INPP5A: variants seen among roughly 807,000 people sequenced by gnomAD.
INPP5A encodes the protein inositol polyphosphate-5-phosphatase A, also known as 43 kDa inositol polyphosphate 5-phophatase.
INPP5A carries 14 observed loss-of-function variants against 65.2 expected under a neutral mutation model. The ratio of observed to expected loss-of-function variants is 0.21; its 90% CI spans 0.14 to 0.34. The LOEUF (loss-of-function observed/expected upper bound fraction) is 0.34. Ranked by LOEUF, INPP5A falls within the 10% of genes least tolerant of loss-of-function variation. The probability of loss-of-function intolerance (pLI) is 1.00; values close to 1 mark genes in which losing one functional copy is unlikely to be tolerated. For synonymous variants in INPP5A, 207 were observed against 208.3 expected (o/e 0.99, Z 0.05); for missense variants, 431 against 545.6 (o/e 0.79, Z 2.09).
chr10:132,635,442 C>CGCAG (rs2072334383), intron 2 of INPP5A, among the ~76,000 whole-genome samples: 1 of 117,068 alleles, frequency 8.5e-6, no homozygotes, highest in Admixed American at 1.3e-4. Flanking sequence ...GTTGCCCAGG[C>CGCAG]TGGAGTGCAG....
Position 132,567,266 on chromosome 10 carries a change from A to G in INPP5A, c.75+29095A>G, listed in dbSNP as rs180710953. On this transcript the variant is annotated intron_variant, in intron 1 of 15. Coordinates refer to ENST00000368594, the MANE Select transcript of INPP5A (RefSeq NM_005539.5). ...AGGAAGGAAGCACGCAAAAATACCC[A>G]AACAACCAAAACAAAATAACTCTCT... Among the ~76,000 whole-genome samples, 6 of 152,338 alleles carry G rather than the reference A, an allele frequency of 3.9e-5. No homozygotes were observed. In the East Asian group the frequency reaches 1.2e-3, roughly 29 times the overall value.
chr10:132,671,784 A>G (rs1275583778), intron 4 of INPP5A, among the ~76,000 whole-genome samples: 1 of 152,176 alleles, frequency 6.6e-6, no homozygotes, highest in East Asian at 1.9e-4. Flanking sequence ...TCCCCGTGTC[A>G]CAGATAGAGA....
At chr10:132,681,182 G>A (rs1023778343) in intron 4 of INPP5A, among the ~76,000 whole-genome samples, 2 of 152,172 alleles carry the variant, frequency 1.3e-5, no homozygotes, top group East Asian at 1.9e-4. Context: ...ACCAATCAGC[G>A]CCCTGTCAAA....
chr10:132,708,534 G>A (rs1180027124), intron 7 of INPP5A, 169 bp downstream of exon 7: 1 of 765,270 alleles, frequency 1.3e-6, no homozygotes, highest in Non-Finnish European at 2.4e-6. Flanking sequence ...TCACGGCGAT[G>A]CATTCGGAGC....
chr10:132,779,785 C>G (rs929369624), intron 13 of INPP5A, among the ~76,000 whole-genome samples: 2 of 152,246 alleles, frequency 1.3e-5, no homozygotes, highest in African/African-American at 2.4e-5. Flanking sequence ...GCCGTCACCT[C>G]GTCACCAAGC....
At position 132,740,208 on chromosome 10, in the gene INPP5A, T is replaced by A. The variant is rs189319649; in HGVS notation, c.733-9309T>A. Among the ~76,000 whole-genome samples the A allele has an allele frequency of 6.4e-4, 98 of 152,370 alleles. 1 individual carries two copies. The highest frequency in any genetic ancestry group is 2.9e-3 in the Admixed American group (44 of 15,308). On this transcript the variant is annotated intron_variant, in intron 9 of 15. Transcript: ENST00000368594. ...GGGGCGTTTGTCAGAACTTAGCGTT[T>A]GAATTATCTCTGCCTGTTTGCAGTG...
chr10:132,632,617 C>T (rs936135359), intron 2 of INPP5A, among the ~76,000 whole-genome samples: 6 of 152,218 alleles, frequency 3.9e-5, no homozygotes, highest in Admixed American at 2.6e-4. Context: ...CACTGCACCC[C>T]GCCCAGATTG....
chr10:132,662,932 G>A (rs2072755220), intron 4 of INPP5A, among the ~76,000 whole-genome samples: 1 of 152,192 alleles, frequency 6.6e-6, no homozygotes, highest in African/African-American at 2.4e-5. Flanking sequence ...CCAGTTACAC[G>A]TCACATGGGT....
chr10:132,687,904 CCTCT>C (rs2134477070), intron 4 of INPP5A, among the ~76,000 whole-genome samples: 1 of 152,372 alleles, frequency 6.6e-6, no homozygotes, highest in Admixed American at 6.5e-5. Flanking sequence ...TGCCAGCCGG[CCTCT>C]CTTTTTAGGA....
chr10:132,702,540 G>A (rs189559281), intron 6 of INPP5A, among the ~76,000 whole-genome samples: 192 of 152,290 alleles, frequency 1.3e-3, no homozygotes, highest in African/African-American at 4.4e-3. Flanking sequence ...AACTGTTGAC[G>A]GTTATCGCAA....
intron 11 of INPP5A, among the ~76,000 whole-genome samples, chr10:132,751,666 G>GGA (rs1846480082): frequency 1.3e-5 from 2 of 150,128 alleles, no homozygotes; most frequent in African/African-American, 2.4e-5. Context: ...AGGTGTCTTC[G>GGA]TGGAGGCGAG....
rs1241282427 is a variant in INPP5A, at chr10:132,678,688, G to T, written c.307-11704G>T. On this transcript the variant is annotated intron_variant, in intron 4 of 15. Coordinates refer to ENST00000368594, the MANE Select transcript of INPP5A (RefSeq NM_005539.5). This position sits in a 1 kb window ranked among gnomAD's most constrained non-coding sequence, Gnocchi z 4.1. ...GGACTCAGAGGCGCCCAGGCCACAT[G>T]CCTGCCCTCAGGGGGCTTCCCTTCC... is the stretch of plus-strand genomic sequence containing the variant. 6.6e-6 allele frequency among the ~76,000 whole-genome samples: 1 copy of T among 152,242 alleles called. No individual in the cohort carries two copies. The highest frequency in any genetic ancestry group is 1.5e-5 in the Non-Finnish European group (1 of 68,052).
intron 2 of INPP5A, among the ~76,000 whole-genome samples, chr10:132,630,809 C>T (rs926205271): frequency 1.7e-4 from 23 of 138,774 alleles, no homozygotes; most frequent in African/African-American, 5.5e-4. Flanking sequence ...GCGGGGGCGG[C>T]GGGGGACGTG....
chr10:132,670,627 A>T (rs2072877601), intron 4 of INPP5A, among the ~76,000 whole-genome samples: 2 of 151,202 alleles, frequency 1.3e-5, no homozygotes, highest in Admixed American at 1.3e-4. Context: ...AGCACAGCTA[A>T]GTCTTCACCC....
chr10:132,541,760 C>A (rs187507263), intron 1 of INPP5A, among the ~76,000 whole-genome samples: 1 of 152,338 alleles, frequency 6.6e-6, no homozygotes, highest in East Asian at 1.9e-4. Context: ...ATAGTGTTGA[C>A]CTAGTCAACC....
chr10:132,635,386 A>AATTTTTTTTTTTTTTT (rs2072331987), intron 2 of INPP5A, among the ~76,000 whole-genome samples: 2 of 54,500 alleles, frequency 3.7e-5, no homozygotes, highest in African/African-American at 1.6e-4. Flanking sequence ...CTTTTTAAAG[A>AATTTTTTTTTTTTTTT]TTTTTTTTTT....
At chr10:132,718,110 T>C (rs1437815033) in intron 8 of INPP5A, among the ~76,000 whole-genome samples, 2 of 150,362 alleles carry the variant, frequency 1.3e-5, no homozygotes, top group Non-Finnish European at 3.0e-5. Context: ...TTCAGGGTTC[T>C]GTGGTACCTG....
chr10:132,742,543 G>A (rs1203785794), intron 9 of INPP5A, among the ~76,000 whole-genome samples: 1 of 152,184 alleles, frequency 6.6e-6, no homozygotes, highest in Admixed American at 6.5e-5. Context: ...CTAGTCCGGC[G>A]CCCAGTCAGG....
chr10:132,716,319 C>G (rs145248589), intron 8 of INPP5A, among the ~76,000 whole-genome samples: 1 of 152,212 alleles, frequency 6.6e-6, no homozygotes, highest in Admixed American at 6.5e-5. Context: ...GACACAGGCA[C>G]GGATGTTTCT....
Sources: allele counts gnomAD v4.1 joint callset (sites outside exome capture counted in the v4.1 genomes callset), GRCh38; gene constraint gnomAD v4.1.1; non-coding constraint Gnocchi (gnomAD v3.1); transcripts MANE v1.5; gene names NCBI Gene and HGNC (gene_info 2026-07-23, HGNC 2026-07-21).